The following SPOCK3 variants were observed in gnomAD, a reference collection of about 807,000 sequenced individuals.
SPOCK3 encodes testican-3.
A neutral mutation model predicts 56.6 loss-of-function variants in SPOCK3; 30 were observed. That is an observed-to-expected ratio of 0.53 (90% CI 0.40 to 0.72). The LOEUF (loss-of-function observed/expected upper bound fraction) is 0.72, where lower values mean the gene tolerates loss of function less well. SPOCK3 is among the 30% of genes least tolerant of loss of function. The pLI is 0.00. For missense variants in SPOCK3, 527 were observed against 530.0 expected, an observed-to-expected ratio of 0.99 and a Z score of 0.06; for synonymous variants, 196 against 183.3, an observed-to-expected ratio of 1.07 and a Z score of -0.56.
At chr4:167,166,053 G>A (rs1037492231) in intron 2 of SPOCK3, among the ~76,000 whole-genome samples, 3 of 151,982 alleles carry the variant, frequency 2.0e-5, no homozygotes, top group Admixed American at 6.6e-5. Flanking sequence ...GCTCAAAATA[G>A]AGGATTATAG....
chr4:166,840,358 G>T (rs117614805), intron 6 of SPOCK3, among the ~76,000 whole-genome samples: 1 of 152,136 alleles, frequency 6.6e-6, no homozygotes, highest in Non-Finnish European at 1.5e-5. Context: ...GGTGAATATC[G>T]TCTACATTAT....
chr4:166,738,033 T>C (rs1232401822), intron 9 of SPOCK3, among the ~76,000 whole-genome samples: 1 of 152,208 alleles, frequency 6.6e-6, no homozygotes, highest in Non-Finnish European at 1.5e-5. Flanking sequence ...CAAATGTTCA[T>C]TCCTATATTC....
At chr4:167,173,044 T>C (rs1730647828) in intron 2 of SPOCK3, among the ~76,000 whole-genome samples, 1 of 152,116 alleles carries the variant, frequency 6.6e-6, no homozygotes, top group South Asian at 2.1e-4. Context: ...TCATTTCATC[T>C]CTATCATTCA....
At chr4:167,074,278 T>C (rs1201183560) in intron 2 of SPOCK3, among the ~76,000 whole-genome samples, 6 of 151,912 alleles carry the variant, frequency 3.9e-5, no homozygotes, top group Non-Finnish European at 5.9e-5. Context: ...AACAGACATT[T>C]ATCTTACACT....
chr4:166,821,822 A>G (rs1024135056), intron 6 of SPOCK3, among the ~76,000 whole-genome samples: 1 of 152,070 alleles, frequency 6.6e-6, no homozygotes, highest in African/African-American at 2.4e-5. Flanking sequence ...AGATGGTAGT[A>G]AAGTTTGCAC....
chr4:167,065,108 A>T (rs1455826287), intron 2 of SPOCK3, among the ~76,000 whole-genome samples: 1 of 150,978 alleles, frequency 6.6e-6, no homozygotes, highest in Non-Finnish European at 1.5e-5. Context: ...GCTATAGTAA[A>T]TGCAAGAAGA....
At chr4:166,735,119 T>A in intron 10 of SPOCK3, 29 bp from the exon 11 acceptor site, 1 of 1,428,620 alleles carries the variant, frequency 7.0e-7, no homozygotes, top group Non-Finnish European at 9.6e-7. Flanking sequence ...AAACATAACC[T>A]TTATTTGACT....
At chr4:167,184,329 C>A (rs1731765623) in intron 2 of SPOCK3, among the ~76,000 whole-genome samples, 1 of 152,160 alleles carries the variant, frequency 6.6e-6, no homozygotes, top group Non-Finnish European at 1.5e-5. Flanking sequence ...AGGCAAATAG[C>A]ATGGACACTT....
intron 7 of SPOCK3, among the ~76,000 whole-genome samples, chr4:166,769,320 A>G (rs1300218073): frequency 6.6e-6 from 1 of 151,768 alleles, no homozygotes; most frequent in Non-Finnish European, 1.5e-5. Flanking sequence ...TTGTGGTTTT[A>G]TCTACCTTTG....
At chr4:166,952,205 T>C (rs1400603306) in intron 4 of SPOCK3, among the ~76,000 whole-genome samples, 2 of 152,168 alleles carry the variant, frequency 1.3e-5, no homozygotes, top group African/African-American at 2.4e-5. Flanking sequence ...GCCCAAAATC[T>C]CCTTAAGCTG....
At chr4:166,824,178 A>G (rs1745216746) in intron 6 of SPOCK3, among the ~76,000 whole-genome samples, 1 of 152,048 alleles carries the variant, frequency 6.6e-6, no homozygotes, top group African/African-American at 2.4e-5. Flanking sequence ...ATCTTATGCA[A>G]CCTGTTCAAT....
intron 4 of SPOCK3, among the ~76,000 whole-genome samples, chr4:166,962,435 T>C (rs1047616116): frequency 2.0e-5 from 3 of 152,094 alleles, no homozygotes; most frequent in African/African-American, 7.2e-5. Context: ...TTGTGAGTAA[T>C]AAACCATCAT....
intron 7 of SPOCK3, among the ~76,000 whole-genome samples, chr4:166,789,160 T>C (rs1212233714): frequency 6.6e-6 from 1 of 152,158 alleles, no homozygotes; most frequent in Non-Finnish European, 1.5e-5. Context: ...CCGGGTGCGG[T>C]GGCTCACCCC....
chr4:166,885,902 A>G (rs112882541), intron 6 of SPOCK3, among the ~76,000 whole-genome samples: 176 of 152,250 alleles, frequency 1.2e-3, no homozygotes, highest in African/African-American at 3.8e-3. Context: ...AAATGAGTAA[A>G]CCAATGGAGC....
chr4:167,136,268 G>A (rs1447670886), intron 2 of SPOCK3, among the ~76,000 whole-genome samples: 1 of 152,030 alleles, frequency 6.6e-6, no homozygotes, highest in Non-Finnish European at 1.5e-5. Flanking sequence ...GGATACTTAA[G>A]TGTGTGTGAG....
chr4:166,880,531 T>C (rs1733578999), intron 6 of SPOCK3, among the ~76,000 whole-genome samples: 1 of 152,198 alleles, frequency 6.6e-6, no homozygotes, highest in Admixed American at 6.5e-5. Context: ...CTCTTAGATG[T>C]GTAAAGGCAA....
chr4:167,093,517 C>T (rs1490217764), intron 2 of SPOCK3, among the ~76,000 whole-genome samples: 5 of 152,084 alleles, frequency 3.3e-5, no homozygotes, highest in Admixed American at 2.6e-4. Context: ...TGTTCAACTC[C>T]CACTTATGAG....
chr4:167,126,766 G>A (rs1329189657), intron 2 of SPOCK3, among the ~76,000 whole-genome samples: 11 of 151,958 alleles, frequency 7.2e-5, no homozygotes, highest in Admixed American at 3.9e-4. Context: ...AACCACATAC[G>A]CAGTAACACC....
chr4:167,055,894 C>A (rs929426900), intron 3 of SPOCK3, among the ~76,000 whole-genome samples: 37 of 152,308 alleles, frequency 2.4e-4, no homozygotes, highest in Middle Eastern at 6.8e-3. Flanking sequence ...AACAAAAAGA[C>A]AGCACTAACC....
Sources: gnomAD v4.1 joint callset for allele counts (sites outside exome capture counted in the v4.1 genomes callset) on GRCh38, gnomAD v4.1.1 for gene constraint, MANE v1.5 for transcripts, NCBI Gene and HGNC (gene_info 2026-07-23, HGNC 2026-07-21) for gene names.